DENND11: variants seen among roughly 807,000 people sequenced by gnomAD.
DENND11 encodes DENN domain-containing protein 11.
In DENND11, 34 loss-of-function variants were observed where a neutral mutation model predicts 49.2. The ratio of observed to expected loss-of-function variants is 0.69; its 90% CI spans 0.53 to 0.92. The LOEUF is 0.92. Among genes scored for constraint, DENND11 ranks in the 40% least tolerant of loss-of-function variants. The pLI is 0.00. For missense variants in DENND11, 475 were observed against 581.6 expected (o/e 0.82, Z 1.88); for synonymous variants, 238 against 230.3 (o/e 1.03, Z -0.30).
In DENND11 at chr7:141,688,945, G is replaced by A. The variant is rs567599781; in HGVS notation, c.269-2287C>T. Among the ~76,000 whole-genome samples, 13 of 152,192 alleles carry A rather than the reference G, an allele frequency of 8.5e-5. No individual in the cohort carries two copies. The East Asian group carries it at 2.3e-3, about 27-fold the overall frequency. ...CTGGGACAGAGCTACAATGACCCTCGATAGGCTCTGTCCTCCTCATACTCA... is the reference window on the plus strand; with the variant it reads ...CTGGGACAGAGCTACAATGACCCTCAATAGGCTCTGTCCTCCTCATACTCA... On this transcript the variant is annotated intron_variant, in intron 1 of 8. Transcript: ENST00000536163.
At chr7:141,700,767 A>C (rs957051572) in intron 1 of DENND11, among the ~76,000 whole-genome samples, 1 of 152,076 alleles carries the variant, frequency 6.6e-6, no homozygotes, top group Non-Finnish European at 1.5e-5. Flanking sequence ...CCTACAGCTG[A>C]GAACCCCAAA....
chr7:141,701,697 C>T (rs1798521387), intron 1 of DENND11, 189 bp downstream of exon 1: 1 of 370,122 alleles, frequency 2.7e-6, no homozygotes, highest in South Asian at 1.3e-4. Flanking sequence ...CCCAGCTGCG[C>T]CCCGAGGGAG....
At chr7:141,664,073 G>T in intron 8 of DENND11, 99 bp downstream of exon 8, 1 of 1,017,420 alleles carries the variant, frequency 9.8e-7, no homozygotes, top group Non-Finnish European at 1.5e-6. Context: ...GCAATAAACG[G>T]CATCCCTGGC....
At chr7:141,699,271 G>C (rs1210742424) in intron 1 of DENND11, among the ~76,000 whole-genome samples, 1 of 152,072 alleles carries the variant, frequency 6.6e-6, no homozygotes, top group African/African-American at 2.4e-5. Context: ...CCAGCTCACT[G>C]TGCCACTATG....
chr7:141,677,890 A>C (rs1486969052), intron 3 of DENND11, among the ~76,000 whole-genome samples: 3 of 152,214 alleles, frequency 2.0e-5, no homozygotes, highest in Non-Finnish European at 4.4e-5. Context: ...TGTTGAGGAC[A>C]TAATTCATGA....
chr7:141,666,207 A>G, intron 5 of DENND11, 80 bp downstream of exon 5: 1 of 1,453,248 alleles, frequency 6.9e-7, no homozygotes, highest in Non-Finnish European at 9.2e-7. Flanking sequence ...GCTCTTCCAA[A>G]CTTGGTCAGT....
chr7:141,686,788 T>G, intron 1 of DENND11, 130 bp from the exon 2 acceptor site: 1 of 649,480 alleles, frequency 1.5e-6, no homozygotes, highest in South Asian at 1.9e-5. Context: ...ACCAGCGAGA[T>G]GCTCAGAGCT....
In DENND11 at chr7:141,674,226, G is replaced by GA; in HGVS notation, c.528-7dup. ...CTGGCATCTCCAACTGGTGCCTGCAGAAAAACACACACACACACACACACA... is the reference window on the plus strand; with the variant it reads ...CTGGCATCTCCAACTGGTGCCTGCAGAAAAAACACACACACACACACACACA... On this transcript the variant is annotated splice_polypyrimidine_tract_variant and splice_region_variant and intron_variant, in intron 3 of 8. Transcript: ENST00000536163. 1.3e-6 allele frequency: 2 copies of GA among 1,523,206 alleles called. No homozygotes were observed. Among genetic ancestry groups the GA allele is most frequent in the Non-Finnish European group, 1.8e-6 (2 of 1,138,130 alleles). 94.4% of individuals were successfully genotyped at this position (1,523,206 alleles called of 1,614,324 possible). A position where few individuals can be genotyped will look rare whatever the true frequency, so the allele number is the denominator to read the frequency against.
chr7:141,690,794 A>G (rs1400210125), intron 1 of DENND11, among the ~76,000 whole-genome samples: 1 of 152,242 alleles, frequency 6.6e-6, no homozygotes, highest in Non-Finnish European at 1.5e-5. Context: ...CTTAGCTTAA[A>G]CAAAGCTAGA....
At chr7:141,672,237 G>A (rs1216640879) in intron 4 of DENND11, among the ~76,000 whole-genome samples, 3 of 152,204 alleles carry the variant, frequency 2.0e-5, no homozygotes, top group Non-Finnish European at 2.9e-5. Flanking sequence ...AGGGTGGCAG[G>A]CAGCCTCTAA....
At chr7:141,687,191 T>C (rs1798256290) in intron 1 of DENND11, among the ~76,000 whole-genome samples, 1 of 152,208 alleles carries the variant, frequency 6.6e-6, no homozygotes, top group East Asian at 1.9e-4. Flanking sequence ...TTTAGTGCTT[T>C]TCCTACCTCT....
At chr7:141,681,815 G>A (rs894221699) in intron 3 of DENND11, among the ~76,000 whole-genome samples, 2 of 152,124 alleles carry the variant, frequency 1.3e-5, no homozygotes, top group Non-Finnish European at 2.9e-5. Flanking sequence ...CTCAAGAAAG[G>A]CATGTTCTCC....
intron 1 of DENND11, among the ~76,000 whole-genome samples, chr7:141,693,145 GA>G (rs1462926943): frequency 3.9e-5 from 6 of 152,080 alleles, no homozygotes; most frequent in Non-Finnish European, 8.8e-5. Flanking sequence ...AATATACGAA[GA>G]ATTCATAAAA....
At chr7:141,674,999 G>A (rs1466311579) in intron 3 of DENND11, among the ~76,000 whole-genome samples, 1 of 152,156 alleles carries the variant, frequency 6.6e-6, no homozygotes, top group Non-Finnish European at 1.5e-5. Flanking sequence ...GTTGAATTTT[G>A]TCCCCACAAA....
chr7:141,664,070 A>G, intron 8 of DENND11, 102 bp downstream of exon 8: 1 of 998,084 alleles, frequency 1.0e-6, no homozygotes, highest in South Asian at 1.6e-5. Flanking sequence ...GCAGCAATAA[A>G]CGGCATCCCT....
At chr7:141,664,786 A>G (rs1423065373) in intron 7 of DENND11, 118 bp downstream of exon 7, 1 of 1,195,028 alleles carries the variant, frequency 8.4e-7, no homozygotes, top group African/African-American at 1.5e-5. Flanking sequence ...CCCAGGCAGC[A>G]TGGAGACTGG....
intron 3 of DENND11, among the ~76,000 whole-genome samples, chr7:141,681,040 G>T (rs940515038): frequency 2.0e-5 from 3 of 152,176 alleles, no homozygotes; most frequent in Non-Finnish European, 2.9e-5. Context: ...GTTGCTGGAA[G>T]GGGAGGGTGG....
chr7:141,697,805 T>C (rs769338812), intron 1 of DENND11, among the ~76,000 whole-genome samples: 2 of 152,122 alleles, frequency 1.3e-5, no homozygotes, highest in Non-Finnish European at 2.9e-5. Flanking sequence ...AGATTAAAAT[T>C]AGTGTGTGTG....
At chr7:141,697,796 G>T (rs1798440474) in intron 1 of DENND11, among the ~76,000 whole-genome samples, 1 of 152,072 alleles carries the variant, frequency 6.6e-6, no homozygotes, top group Non-Finnish European at 1.5e-5. Flanking sequence ...AATCTACAGA[G>T]ATTAAAATTA....
Sources: allele counts gnomAD v4.1 joint callset (sites outside exome capture counted in the v4.1 genomes callset), GRCh38; gene constraint gnomAD v4.1.1; transcripts MANE v1.5; gene names NCBI Gene and HGNC (gene_info 2026-07-23, HGNC 2026-07-21).